The following GLDC variants were observed in gnomAD, a reference collection of about 807,000 sequenced individuals.
GLDC encodes the protein glycine dehydrogenase (decarboxylating), mitochondrial.
GLDC carries 104 observed loss-of-function variants against 121.3 expected under a neutral mutation model. That is an observed-to-expected ratio of 0.86 (90% CI 0.73 to 1.01). GLDC has a LOEUF of 1.01. Among genes scored for constraint, GLDC ranks in the 50% least tolerant of loss-of-function variants. The pLI, the probability that GLDC is intolerant of heterozygous loss-of-function variation, is 0.00. For synonymous variants in GLDC, 546 were observed against 480.6 expected (o/e 1.14, Z -1.78); for missense variants, 1,429 against 1,306.6 (o/e 1.09, Z -1.44).
intron 4 of GLDC, among the ~76,000 whole-genome samples, chr9:6,608,591 A>AC (rs34272160): frequency 2.5e-4 from 37 of 147,274 alleles, no homozygotes; most frequent in Middle Eastern, 3.6e-3. Flanking sequence ...ATACAAAAAA[A>AC]AAAAATTAGC....
chr9:6,573,857 T>C (rs1295797434), intron 15 of GLDC, among the ~76,000 whole-genome samples: 3 of 152,142 alleles, frequency 2.0e-5, no homozygotes, highest in Non-Finnish European at 2.9e-5. Flanking sequence ...CAGATTCCTA[T>C]CTACCAGGTG....
At chr9:6,544,152 A>C (rs1041566393) in intron 21 of GLDC, among the ~76,000 whole-genome samples, 62 of 152,350 alleles carry the variant, frequency 4.1e-4, no homozygotes, top group African/African-American at 1.3e-3. Context: ...TGCTTGGTCA[A>C]GCCTTTTAGC....
chr9:6,588,592 T>C, intron 13 of GLDC, 26 bp downstream of exon 13: 1 of 1,570,474 alleles, frequency 6.4e-7, no homozygotes, highest in Non-Finnish European at 8.8e-7. Context: ...AGCTTGGAAA[T>C]GAGAAAAAAG....
chr9:6,576,346 G>A (rs1485215183), intron 15 of GLDC, among the ~76,000 whole-genome samples: 3 of 152,166 alleles, frequency 2.0e-5, no homozygotes, highest in East Asian at 1.9e-4. Context: ...AGCTCTCTGG[G>A]GTCTTTCTTA....
At chr9:6,576,617 C>A (rs1370574984) in intron 15 of GLDC, among the ~76,000 whole-genome samples, 1 of 152,090 alleles carries the variant, frequency 6.6e-6, no homozygotes, top group Admixed American at 6.6e-5. Flanking sequence ...CAGGCCCCTG[C>A]CACCACACCT....
chr9:6,538,802 G>T (rs1033859267), intron 22 of GLDC, among the ~76,000 whole-genome samples: 1 of 152,174 alleles, frequency 6.6e-6, no homozygotes, highest in African/African-American at 2.4e-5. Context: ...TTCCTGAGTC[G>T]GCCATTACCC....
At chr9:6,633,413 T>C (rs991162981) in intron 2 of GLDC, among the ~76,000 whole-genome samples, 10 of 152,330 alleles carry the variant, frequency 6.6e-5, no homozygotes, top group South Asian at 4.1e-4. Context: ...TCTGGATCTC[T>C]AGACTCTACT....
intron 15 of GLDC, chr9:6,569,475 A>C (rs1350695135): frequency 6.6e-6 from 1 of 151,986 alleles, no homozygotes; most frequent in Non-Finnish European, 1.5e-5. Flanking sequence ...AATATGGTGA[A>C]ACCCCATCTC....
chr9:6,630,849 C>G (rs765444131), intron 2 of GLDC, among the ~76,000 whole-genome samples: 2 of 152,198 alleles, frequency 1.3e-5, no homozygotes, highest in Admixed American at 6.5e-5. Flanking sequence ...ATTTATAGCA[C>G]TCCTTTCTCT....
At chr9:6,623,441 A>G (rs971169571) in intron 2 of GLDC, among the ~76,000 whole-genome samples, 46 of 148,308 alleles carry the variant, frequency 3.1e-4, no homozygotes, top group Non-Finnish European at 5.5e-4. Flanking sequence ...AGTCATCACC[A>G]CTCCGTAATC....
At position 6,572,639 on chromosome 9, in the gene GLDC, T is replaced by C. The variant is rs143372776; in HGVS notation, c.1851-7210A>G. ...AATCTGGATGGACAGACCAAAGGAA[T>C]GGGACAGTTCCATATTTCCCACAGT... On this transcript the variant is annotated intron_variant, in intron 15 of 24. Coordinates refer to ENST00000321612, the MANE Select transcript of GLDC (RefSeq NM_000170.3). Among the ~76,000 whole-genome samples, 538 of 152,314 alleles carry C rather than the reference T, an allele frequency of 3.5e-3. 5 individuals are homozygous for C. The highest frequency in any genetic ancestry group is 0.012 in the African/African-American group (501 of 41,580).
In GLDC at chr9:6,565,449, AG is replaced by A. The variant is rs773237695; in HGVS notation, c.1851-21del. On this transcript the variant is annotated intron_variant, in intron 15 of 24. Coordinates refer to ENST00000321612, the MANE Select transcript of GLDC (RefSeq NM_000170.3). ...GCTCCGCTTGCAAAGACAAGAAGAA[AG>A]GGATCACGGTTAGGTCTTCTGGCTT... The A allele has an allele frequency of 6.3e-7, 1 of 1,589,956 alleles. No individual in the cohort carries two copies. Among genetic ancestry groups the A allele is most frequent in the South Asian group, 1.1e-5 (1 of 90,614 alleles).
At chr9:6,567,960 C>T (rs1284025908) in intron 15 of GLDC, among the ~76,000 whole-genome samples, 1 of 152,198 alleles carries the variant, frequency 6.6e-6, no homozygotes, top group African/African-American at 2.4e-5. Context: ...TTGAATTCCT[C>T]CAGCACAGGC....
intron 11 of GLDC, among the ~76,000 whole-genome samples, chr9:6,590,638 C>A (rs1269013506): frequency 6.6e-6 from 1 of 152,178 alleles, no homozygotes; most frequent in East Asian, 1.9e-4. Flanking sequence ...ACAGCACAGC[C>A]TGCAGAAACA....
intron 20 of GLDC, among the ~76,000 whole-genome samples, chr9:6,552,495 G>A (rs967059979): frequency 6.6e-6 from 1 of 152,222 alleles, no homozygotes; most frequent in African/African-American, 2.4e-5. Context: ...GTTAGTGTCT[G>A]AGGTACAGAA....
chr9:6,603,184 T>C (rs1169635441), intron 7 of GLDC, among the ~76,000 whole-genome samples: 1 of 150,964 alleles, frequency 6.6e-6, no homozygotes, highest in Non-Finnish European at 1.5e-5. Flanking sequence ...GCCAAGATCG[T>C]ACCACTGCAC....
In GLDC at chr9:6,554,691, G is replaced by C. The variant is rs386833551; in HGVS notation, c.2293C>G (p.Pro765Ala). 1 of 1,611,656 alleles carries C rather than the reference G, an allele frequency of 6.2e-7. No homozygotes were observed. Among genetic ancestry groups the C allele is most frequent in the African/African-American group, 1.3e-5 (1 of 74,872 alleles). The change falls in exon 19 of 25, where the codon CCT becomes GCT. Residue 765 changes from proline to alanine, a missense_variant. Coordinates refer to ENST00000321612, the MANE Select transcript of GLDC (RefSeq NM_000170.3). ...TACACTCCGATGGGCCCCATGCCAG[G>C]ACCACCTCCTCCGTGGGGAATGCAG... The part of the protein sequence containing the change: ...TFCIPHGGGG[P>A]GMGPIGVKKH...
intron 3 of GLDC, among the ~76,000 whole-genome samples, chr9:6,615,232 C>T (rs1352149213): frequency 1.3e-5 from 2 of 152,050 alleles, no homozygotes; most frequent in Non-Finnish European, 2.9e-5. Flanking sequence ...ATTTTGAATT[C>T]ATAAGACATT....
At chr9:6,606,457 A>G in intron 5 of GLDC, 135 bp downstream of exon 5, 1 of 721,380 alleles carries the variant, frequency 1.4e-6, no homozygotes, top group South Asian at 1.5e-5. Context: ...GGCAAAACTC[A>G]GCAACCCCAA....
Sources: gnomAD v4.1 joint callset for allele counts (sites outside exome capture counted in the v4.1 genomes callset) on GRCh38, gnomAD v4.1.1 for gene constraint, MANE v1.5 for transcripts, NCBI Gene and HGNC (gene_info 2026-07-23, HGNC 2026-07-21) for gene names.